Variants in MARCHF3 observed in about 807,000 individuals in gnomAD.
The protein encoded by MARCHF3 is membrane associated ring-CH-type finger 3.
In MARCHF3, 13 loss-of-function variants were observed where a neutral mutation model predicts 24.2. That is an observed-to-expected ratio of 0.54 (90% CI 0.35 to 0.85). The LOEUF (loss-of-function observed/expected upper bound fraction) is 0.85, where lower values mean the gene tolerates loss of function less well. MARCHF3 is among the 40% of genes least tolerant of loss of function. The pLI is 0.01. For missense variants in MARCHF3, 276 were observed against 325.0 expected, an observed-to-expected ratio of 0.85 and a Z score of 1.16; for synonymous variants, 144 against 137.3, an observed-to-expected ratio of 1.05 and a Z score of -0.34.
At chr5:126,948,125 C>A (rs535735552) in intron 1 of MARCHF3, among the ~76,000 whole-genome samples, 1 of 152,158 alleles carries the variant, frequency 6.6e-6, no homozygotes, top group Non-Finnish European at 1.5e-5. Flanking sequence ...GGAGCCTCTA[C>A]CATGACAACC....
intron 1 of MARCHF3, among the ~76,000 whole-genome samples, chr5:126,966,774 GTGA>G (rs1750825260): frequency 6.6e-6 from 1 of 151,924 alleles, no homozygotes; most frequent in African/African-American, 2.4e-5. Context: ...CTGTAATACA[GTGA>G]TGATTTCAAA....
rs867714260 is a variant in MARCHF3 at position 126,983,491 on chromosome 5, T to C, written c.-57+46859A>G. On this transcript the variant is annotated intron_variant, in intron 1 of 4. Transcript: ENST00000308660. ...TTGACTTAGGGCAGGGATCTAAATA[T>C]GGCAGGACTCAAATTCTCTCTTTTG... 1.6e-4 allele frequency among the ~76,000 whole-genome samples: 24 copies of C among 152,206 alleles called. 1 individual carries two copies. The highest frequency in any genetic ancestry group is 1.6e-3 in the Admixed American group (24 of 15,270).
intron 3 of MARCHF3, among the ~76,000 whole-genome samples, chr5:126,906,862 T>A (rs1252605319): frequency 3.3e-5 from 5 of 152,116 alleles, no homozygotes; most frequent in African/African-American, 1.2e-4. Context: ...TCTGCTAGCT[T>A]TTGAATGTGT....
At chr5:126,919,978 A>G (rs1286984888) in intron 1 of MARCHF3, among the ~76,000 whole-genome samples, 1 of 152,222 alleles carries the variant, frequency 6.6e-6, no homozygotes, top group Admixed American at 6.5e-5. Flanking sequence ...CTGAACATTC[A>G]GCACAGTCAG....
chr5:126,983,898 T>A (rs1163599025), intron 1 of MARCHF3, among the ~76,000 whole-genome samples: 1 of 152,160 alleles, frequency 6.6e-6, no homozygotes, highest in African/African-American at 2.4e-5. Context: ...GTGTTGGCTA[T>A]TTTTTCCCAA....
chr5:127,022,766 C>T (rs1477776709), intron 1 of MARCHF3, among the ~76,000 whole-genome samples: 1 of 152,212 alleles, frequency 6.6e-6, no homozygotes, highest in Non-Finnish European at 1.5e-5. Flanking sequence ...TCTGGGGTTG[C>T]TCATCTTCTA....
At chr5:126,892,638 C>A (rs1331779595) in intron 3 of MARCHF3, among the ~76,000 whole-genome samples, 1 of 149,878 alleles carries the variant, frequency 6.7e-6, no homozygotes, top group Non-Finnish European at 1.5e-5. Flanking sequence ...AGGGATGAAG[C>A]CCACTTGATC....
intron 1 of MARCHF3, among the ~76,000 whole-genome samples, chr5:126,998,117 T>C (rs752742762): frequency 1.3e-5 from 2 of 151,868 alleles, no homozygotes; most frequent in Non-Finnish European, 2.9e-5. Context: ...ATGGGAAATC[T>C]TGGGTCTTGG....
At chr5:126,929,185 C>A (rs916112500) in intron 1 of MARCHF3, among the ~76,000 whole-genome samples, 1 of 152,198 alleles carries the variant, frequency 6.6e-6, no homozygotes, top group African/African-American at 2.4e-5. Flanking sequence ...GTCCTAATCT[C>A]CATTTTTTAA....
intron 1 of MARCHF3, among the ~76,000 whole-genome samples, chr5:126,922,548 ATTTATTAT>A (rs1485238184): frequency 6.8e-6 from 1 of 146,040 alleles, no homozygotes; most frequent in African/African-American, 2.5e-5. Flanking sequence ...TTATTTATTT[ATTTATTAT>A]TTATTTTTGA....
chr5:126,902,315 T>C (rs1001527587), intron 3 of MARCHF3, among the ~76,000 whole-genome samples: 3 of 152,118 alleles, frequency 2.0e-5, no homozygotes, highest in Non-Finnish European at 2.9e-5. Context: ...TTTAAAAACA[T>C]AGATTAAAAT....
chr5:126,996,509 G>A (rs1384334733), intron 1 of MARCHF3, among the ~76,000 whole-genome samples: 1 of 151,576 alleles, frequency 6.6e-6, no homozygotes, highest in African/African-American at 2.4e-5. Context: ...CAATCATAGG[G>A]TTAGCAAGAG....
At chr5:126,915,734 C>T (rs1754705953) in intron 2 of MARCHF3, among the ~76,000 whole-genome samples, 1 of 152,126 alleles carries the variant, frequency 6.6e-6, no homozygotes, top group East Asian at 1.9e-4. Context: ...AAACTGAAAG[C>T]GAGTAATGAG....
chr5:126,920,665 T>C (rs1223705899), intron 1 of MARCHF3, among the ~76,000 whole-genome samples: 2 of 152,114 alleles, frequency 1.3e-5, no homozygotes, highest in East Asian at 1.9e-4. Context: ...GGGCTGCCAG[T>C]AGTTAGGCTA....
At chr5:127,004,974 G>A (rs1752258796) in intron 1 of MARCHF3, among the ~76,000 whole-genome samples, 1 of 151,144 alleles carries the variant, frequency 6.6e-6, no homozygotes, top group African/African-American at 2.4e-5. Flanking sequence ...AAAAAAAAAA[G>A]TTTTTCCTAA....
chr5:126,931,261 T>G (rs1165411455), intron 1 of MARCHF3, among the ~76,000 whole-genome samples: 6 of 152,090 alleles, frequency 3.9e-5, no homozygotes, highest in Admixed American at 6.5e-5. Flanking sequence ...GTTTTTGGTT[T>G]CCCTAGAATG....
chr5:126,869,780 C>T lies in MARCHF3; in HGVS notation c.*853G>A, dbSNP rs1752903341. The stretch of plus-strand genomic sequence containing the variant: ...GAGAACAGCAACCTTTTTGCTTTTC[C>T]TTTTTTTCCTTTTAAAACCTGCTTT... On this transcript the variant is annotated 3_prime_UTR_variant, in exon 5 of 5. Transcript: ENST00000308660. The T allele has an allele frequency of 6.6e-6, 1 of 152,036 alleles. No homozygotes were observed. Among genetic ancestry groups the T allele is most frequent in the Non-Finnish European group, 1.5e-5 (1 of 67,910 alleles). 9.4% of individuals were successfully genotyped at this position (152,036 alleles called of 1,614,324 possible). A position where few individuals can be genotyped will look rare whatever the true frequency, so the allele number is the denominator to read the frequency against.
chr5:126,981,893 A>G (rs1262768775), intron 1 of MARCHF3, among the ~76,000 whole-genome samples: 3 of 152,236 alleles, frequency 2.0e-5, no homozygotes, highest in Admixed American at 6.5e-5. Context: ...CTTGACTACT[A>G]TGGTATTTAG....
intron 1 of MARCHF3, among the ~76,000 whole-genome samples, chr5:126,969,401 G>T (rs926960032): frequency 6.6e-6 from 1 of 152,170 alleles, no homozygotes; most frequent in African/African-American, 2.4e-5. Flanking sequence ...TAGGTAAATG[G>T]TCAGCTTCTA....
Sources: allele counts gnomAD v4.1 joint callset (sites outside exome capture counted in the v4.1 genomes callset), GRCh38; gene constraint gnomAD v4.1.1; transcripts MANE v1.5; gene names NCBI Gene and HGNC (gene_info 2026-07-23, HGNC 2026-07-21).